The following SPOCK1 variants were observed in gnomAD, a reference collection of about 807,000 sequenced individuals.
SPOCK1 encodes testican-1.
A neutral mutation model predicts 55.3 loss-of-function variants in SPOCK1; 23 were observed. That is an observed-to-expected ratio of 0.42 (90% CI 0.30 to 0.59). The LOEUF is 0.59. Ranked by LOEUF, SPOCK1 falls within the 20% of genes least tolerant of loss-of-function variation. The pLI is 0.22. For missense variants in SPOCK1, 499 were observed against 552.5 expected (o/e 0.90, Z 0.97); for synonymous variants, 226 against 221.0 (o/e 1.02, Z -0.20).
intron 2 of SPOCK1, among the ~76,000 whole-genome samples, chr5:137,366,629 A>C (rs1404690136): frequency 6.6e-6 from 1 of 152,226 alleles, no homozygotes; most frequent in South Asian, 2.1e-4. Context: ...ATTCAGGTGA[A>C]GTGAGTTAAT....
chr5:137,089,886 C>T (rs1214176567), intron 5 of SPOCK1, among the ~76,000 whole-genome samples: 1 of 152,100 alleles, frequency 6.6e-6, no homozygotes, highest in African/African-American at 2.4e-5. Context: ...ACAGTTTGAC[C>T]TGGAATAAAG....
intron 2 of SPOCK1, among the ~76,000 whole-genome samples, chr5:137,346,803 C>A (rs1193793387): frequency 6.6e-6 from 1 of 152,180 alleles, no homozygotes; most frequent in East Asian, 1.9e-4. Context: ...CAAAAACGTG[C>A]AATACGTGAG....
intron 3 of SPOCK1, among the ~76,000 whole-genome samples, chr5:137,258,845 A>G (rs1756688840): frequency 6.6e-6 from 1 of 152,150 alleles, no homozygotes; most frequent in South Asian, 2.1e-4. Flanking sequence ...ATCATTCACT[A>G]CGATTCCCTC....
chr5:137,394,830 G>C (rs1341302833), intron 2 of SPOCK1, among the ~76,000 whole-genome samples: 1 of 152,184 alleles, frequency 6.6e-6, no homozygotes, highest in Non-Finnish European at 1.5e-5. Context: ...CATTAAATCT[G>C]GGGGTCCTTA....
chr5:137,434,190 A>T (rs1200128033), intron 2 of SPOCK1, among the ~76,000 whole-genome samples: 1 of 152,252 alleles, frequency 6.6e-6, no homozygotes, highest in African/African-American at 2.4e-5. Context: ...GTTCGTGAAC[A>T]GCCTCCAAAT....
intron 3 of SPOCK1, among the ~76,000 whole-genome samples, chr5:137,266,391 T>C (rs1168298683): frequency 1.3e-5 from 2 of 152,200 alleles, no homozygotes; most frequent in African/African-American, 4.8e-5. Flanking sequence ...GTGTCTTAAA[T>C]AACTCACAGG....
At chr5:137,346,423 C>T (rs1408060114) in intron 2 of SPOCK1, among the ~76,000 whole-genome samples, 1 of 152,138 alleles carries the variant, frequency 6.6e-6, no homozygotes. Context: ...CAACCTGCTT[C>T]CAGCTATAAC....
chr5:137,112,332 T>C, intron 5 of SPOCK1, 103 bp downstream of exon 5: 1 of 1,459,748 alleles, frequency 6.9e-7, no homozygotes, highest in South Asian at 1.3e-5. Context: ...GGGCAAGGCC[T>C]GGAGCCCACC....
chr5:137,448,839 T>C (rs1006233800), intron 2 of SPOCK1, among the ~76,000 whole-genome samples: 1 of 152,250 alleles, frequency 6.6e-6, no homozygotes, highest in African/African-American at 2.4e-5. Flanking sequence ...CTCCACTTTC[T>C]GTGCCCTCCC....
intron 6 of SPOCK1, among the ~76,000 whole-genome samples, chr5:137,014,886 C>T (rs1255702909): frequency 1.3e-5 from 2 of 152,158 alleles, no homozygotes; most frequent in Non-Finnish European, 2.9e-5. Flanking sequence ...TTATTCTGTA[C>T]ACGGTGGGGG....
At chr5:137,438,639 T>C (rs537636250) in intron 2 of SPOCK1, among the ~76,000 whole-genome samples, 3 of 121,310 alleles carry the variant, frequency 2.5e-5, no homozygotes, top group South Asian at 6.8e-4. Context: ...CATTTGGAGA[T>C]ATTTGCATAT....
chr5:137,087,496 T>G (rs774709683), intron 5 of SPOCK1, among the ~76,000 whole-genome samples: 2 of 152,262 alleles, frequency 1.3e-5, no homozygotes, highest in African/African-American at 2.4e-5. Flanking sequence ...TCATTAATAC[T>G]GTTATTCTTG....
At chr5:137,407,164 G>A (rs1752117036) in intron 2 of SPOCK1, among the ~76,000 whole-genome samples, 1 of 152,108 alleles carries the variant, frequency 6.6e-6, no homozygotes, top group African/African-American at 2.4e-5. Flanking sequence ...TTCATGGTCT[G>A]GAAAAAATAG....
Position 137,053,524 on chromosome 5 carries a change from G to C in SPOCK1, c.589+14191C>G, listed in dbSNP as rs143317901. 5.4e-3 allele frequency among the ~76,000 whole-genome samples: 817 copies of C among 152,218 alleles called. 8 individuals carry two copies. The highest frequency in any genetic ancestry group is 0.018 in the African/African-American group (749 of 41,532). On this transcript the variant is annotated intron_variant, in intron 6 of 10. Coordinates refer to ENST00000394945, the MANE Select transcript of SPOCK1 (RefSeq NM_004598.4). ...AAATAAGAAAGCTTAGTTAACAGTG[G>C]CATAAATTCATGGGGATTTACTTTG...
rs144463199 is a variant in SPOCK1, at chr5:137,139,766, C to T, written c.347+814G>A. On this transcript the variant is annotated intron_variant, in intron 4 of 10. Transcript: ENST00000394945. Reference sequence around the variant, plus strand: ...AGTGCAGAATATGCACTGAAATTGCCTTCCTCTCATCCCTGCCCCATCTGA... The same window carrying T: ...AGTGCAGAATATGCACTGAAATTGCTTTCCTCTCATCCCTGCCCCATCTGA... Among the ~76,000 whole-genome samples, 327 of 152,232 alleles carry T rather than the reference C, an allele frequency of 2.1e-3. 6 individuals carry two copies. The highest frequency in any genetic ancestry group is 7.7e-3 in the African/African-American group (318 of 41,534).
chr5:137,124,912 C>T (rs1035036360), intron 4 of SPOCK1, among the ~76,000 whole-genome samples: 1 of 152,178 alleles, frequency 6.6e-6, no homozygotes, highest in South Asian at 2.1e-4. Flanking sequence ...TTATGTTGCT[C>T]TTTCTCAAGA....
intron 3 of SPOCK1, among the ~76,000 whole-genome samples, chr5:137,182,078 C>T (rs1754980704): frequency 6.6e-6 from 1 of 152,216 alleles, no homozygotes; most frequent in African/African-American, 2.4e-5. Context: ...ATCAAGGCCT[C>T]TTTCTTATAG....
chr5:136,984,182 T>C (rs1398873910), intron 9 of SPOCK1, among the ~76,000 whole-genome samples: 4 of 152,188 alleles, frequency 2.6e-5, no homozygotes, highest in Non-Finnish European at 5.9e-5. Flanking sequence ...CCTGACAACT[T>C]TGGGGAAGTC....
At chr5:137,283,426 A>T (rs921161511) in intron 2 of SPOCK1, among the ~76,000 whole-genome samples, 1 of 152,206 alleles carries the variant, frequency 6.6e-6, no homozygotes, top group African/African-American at 2.4e-5. Context: ...CTTAAGAACT[A>T]GCAGAGACCA....
Sources: allele counts gnomAD v4.1 joint callset (sites outside exome capture counted in the v4.1 genomes callset), GRCh38; gene constraint gnomAD v4.1.1; transcripts MANE v1.5; gene names NCBI Gene and HGNC (gene_info 2026-07-23, HGNC 2026-07-21).